The following ITGA4 variants were observed in gnomAD, a reference collection of about 807,000 sequenced individuals.
ITGA4 encodes the protein integrin subunit alpha 4.
In ITGA4, 63 loss-of-function variants were observed where a neutral mutation model predicts 133.6. The ratio of observed to expected loss-of-function variants is 0.47; its 90% CI spans 0.38 to 0.58. ITGA4 has a LOEUF of 0.58. Ranked by LOEUF, ITGA4 falls within the 20% of genes least tolerant of loss-of-function variation. The probability of loss-of-function intolerance (pLI) is 0.00; values close to 1 mark genes in which losing one functional copy is unlikely to be tolerated. For synonymous variants in ITGA4, 483 were observed against 438.0 expected (o/e 1.10, Z -1.28); for missense variants, 1,076 against 1,252.7 (o/e 0.86, Z 2.13).
chr2:181,528,526 G>C (rs1320998531), intron 22 of ITGA4, among the ~76,000 whole-genome samples: 1 of 152,186 alleles, frequency 6.6e-6, no homozygotes, highest in African/African-American at 2.4e-5. Context: ...TATTCTTAGA[G>C]GTTTAATTGT....
chr2:181,457,603 G>A lies in ITGA4; in HGVS notation c.-52G>A. 6.5e-7 allele frequency: 1 copy of A among 1,537,864 alleles called. No individual in the cohort carries two copies. The highest frequency in any genetic ancestry group is 8.8e-7 in the Non-Finnish European group (1 of 1,131,398). On this transcript the variant is annotated 5_prime_UTR_variant, in exon 1 of 28. Transcript: ENST00000397033. ...CCGTTGGCCAACCGTCGCATCCCGT[G>A]CAACTTTGGGGTAGTGGCCGTTTAG...
chr2:181,525,050 A>G (rs953026429), intron 20 of ITGA4, 152 bp from the exon 21 acceptor site: 5 of 419,954 alleles, frequency 1.2e-5, no homozygotes, highest in Admixed American at 4.0e-5. Context: ...TGTCCTAAAA[A>G]ATTTTTACTA....
chr2:181,505,311 AT>A (rs1686371462), intron 15 of ITGA4, among the ~76,000 whole-genome samples: 1 of 151,908 alleles, frequency 6.6e-6, no homozygotes. Flanking sequence ...TATCTTATAA[AT>A]TTTTTTGCCC....
At chr2:181,473,425 G>T (rs376994977) in intron 2 of ITGA4, among the ~76,000 whole-genome samples, 1 of 152,150 alleles carries the variant, frequency 6.6e-6, no homozygotes, top group Non-Finnish European at 1.5e-5. Flanking sequence ...TTGTCTTCAC[G>T]AAACCAGTCC....
intron 21 of ITGA4, 46 bp from the exon 22 acceptor site, chr2:181,527,251 G>C (rs116758093): frequency 3.6e-6 from 4 of 1,098,718 alleles, no homozygotes; most frequent in Non-Finnish European, 5.6e-6. Flanking sequence ...TTTATAATAC[G>C]TCATCGAATA....
intron 10 of ITGA4, 94 bp downstream of exon 10, chr2:181,486,086 A>G (rs923068128): frequency 6.8e-6 from 10 of 1,460,926 alleles, no homozygotes; most frequent in Non-Finnish European, 9.0e-6. Flanking sequence ...TTTCCTTCCT[A>G]TAGAAGATGG....
At chr2:181,483,652 T>C (rs1019752992) in intron 9 of ITGA4, among the ~76,000 whole-genome samples, 1 of 152,222 alleles carries the variant, frequency 6.6e-6, no homozygotes, top group African/African-American at 2.4e-5. Context: ...GCTTTGGTAT[T>C]TCCTACACTG....
chr2:181,475,618 GGAAGTCTGATTAAAAAGAAA>G (rs1225646074), intron 4 of ITGA4, among the ~76,000 whole-genome samples: 2 of 152,132 alleles, frequency 1.3e-5, no homozygotes. Flanking sequence ...AAATTATATT[GGAAGTCTGATTAAAAAGAAA>G]GACTTTAGGT....
intron 22 of ITGA4, among the ~76,000 whole-genome samples, chr2:181,527,628 G>A (rs1166034303): frequency 6.6e-6 from 1 of 152,206 alleles, no homozygotes; most frequent in Admixed American, 6.5e-5. Flanking sequence ...AGAGCATGCA[G>A]GAACAGAGAT....
At chr2:181,522,119 C>A in intron 17 of ITGA4, 72 bp from the exon 18 acceptor site, 1 of 814,978 alleles carries the variant, frequency 1.2e-6, no homozygotes, top group Non-Finnish European at 1.9e-6. Flanking sequence ...ATACATATAT[C>A]CTTGTATGCA....
intron 2 of ITGA4, among the ~76,000 whole-genome samples, chr2:181,472,078 T>G (rs1449265): frequency 0.46 from 69,802 of 152,018 alleles, 16,386 homozygotes; most frequent in South Asian, 0.62. Flanking sequence ...GAGTAGTTTG[T>G]GGTGTGTGTA....
chr2:181,487,156 T>C (rs1338325616), intron 10 of ITGA4, among the ~76,000 whole-genome samples: 1 of 152,176 alleles, frequency 6.6e-6, no homozygotes, highest in East Asian at 1.9e-4. Context: ...TTATTACGAT[T>C]ACACATAATT....
intron 23 of ITGA4, among the ~76,000 whole-genome samples, 182 bp downstream of exon 23, chr2:181,529,830 C>A (rs1686907464): frequency 6.6e-6 from 1 of 152,158 alleles, no homozygotes; most frequent in Admixed American, 6.5e-5. Flanking sequence ...TTATACATTT[C>A]TTTAGAACTA....
chr2:181,522,397 T>A lies in ITGA4; in HGVS notation c.2073+56T>A, dbSNP rs986260834. 9.6e-6 allele frequency: 12 copies of A among 1,247,606 alleles called. No homozygotes were observed. The African/African-American group carries it at 1.4e-4, about 14-fold the overall frequency. The allele number at this position is 1,247,606 out of a possible 1,614,324, so 77.3% of individuals were successfully genotyped here. A position where few individuals can be genotyped will look rare whatever the true frequency, so the allele number is the denominator to read the frequency against. ...CTACTTGGTATTTTACTTAATTTTT[T>A]AAAAGTAAATGGTAGAATTCACTTC... On this transcript the variant is annotated intron_variant, in intron 18 of 27. Coordinates refer to ENST00000397033, the MANE Select transcript of ITGA4 (RefSeq NM_000885.6).
At chr2:181,489,994 G>T (rs572231899) in intron 10 of ITGA4, among the ~76,000 whole-genome samples, 1 of 152,152 alleles carries the variant, frequency 6.6e-6, no homozygotes, top group African/African-American at 2.4e-5. Context: ...CAACTCTAAG[G>T]GGGTGCACGT....
chr2:181,465,917 G>A (rs562085060), intron 2 of ITGA4, among the ~76,000 whole-genome samples: 15 of 152,154 alleles, frequency 9.9e-5, no homozygotes, highest in Admixed American at 2.0e-4. Flanking sequence ...CTACTTCATA[G>A]GGATGTTATG....
intron 23 of ITGA4, 82 bp from the exon 24 acceptor site, chr2:181,530,442 T>C (rs1040047993): frequency 3.5e-5 from 47 of 1,327,856 alleles, no homozygotes; most frequent in Non-Finnish European, 4.8e-5. Context: ...GATAAGCTAC[T>C]GGAACTTTTA....
Position 181,537,441 on chromosome 2 carries a change from C to T in ITGA4, c.*1914C>T, listed in dbSNP as rs201433997. The T allele has an allele frequency of 7.7e-5, 35 of 453,734 alleles. No homozygotes were observed. The highest frequency in any genetic ancestry group is 1.3e-5 in the Non-Finnish European group (3 of 226,708). The allele number at this position is 453,734 out of a possible 1,614,324, so 28.1% of individuals were successfully genotyped here. A position where few individuals can be genotyped will look rare whatever the true frequency, so the allele number is the denominator to read the frequency against. ...TATCAACTTACTTTGTTACTTGTAT[C>T]ATGAATTTTAAAACCCTACCACTTT... On this transcript the variant is annotated 3_prime_UTR_variant, in exon 28 of 28. Coordinates refer to ENST00000397033, the MANE Select transcript of ITGA4 (RefSeq NM_000885.6).
At chr2:181,458,752 C>T (rs1038855441) in intron 2 of ITGA4, 33 of 159,454 alleles carry the variant, frequency 2.1e-4, no homozygotes, top group African/African-American at 7.7e-4. Context: ...GAATTGATCC[C>T]ATATCCCGTC....
Sources: gnomAD v4.1 joint callset for allele counts (sites outside exome capture counted in the v4.1 genomes callset) on GRCh38, gnomAD v4.1.1 for gene constraint, MANE v1.5 for transcripts, NCBI Gene and HGNC (gene_info 2026-07-23, HGNC 2026-07-21) for gene names.